Variants in METAP1 observed in about 807,000 individuals in gnomAD.
METAP1 encodes methionyl aminopeptidase 1, also known as methionine aminopeptidase 1.
In METAP1, 28 loss-of-function variants were observed where a neutral mutation model predicts 53.8. That is an observed-to-expected ratio of 0.52 (90% CI 0.39 to 0.71). The LOEUF is 0.71. METAP1 is among the 30% of genes least tolerant of loss of function. The pLI is 0.00. For synonymous variants in METAP1, 181 were observed against 165.7 expected, an observed-to-expected ratio of 1.09 and a Z score of -0.71; for missense variants, 389 against 479.8, an observed-to-expected ratio of 0.81 and a Z score of 1.77.
intron 9 of METAP1, among the ~76,000 whole-genome samples, chr4:99,053,919 T>C (rs1415497563): frequency 6.6e-6 from 1 of 151,008 alleles, no homozygotes; most frequent in Admixed American, 6.6e-5. Flanking sequence ...ATTAATATTA[T>C]TAAAATATTC....
intron 3 of METAP1, among the ~76,000 whole-genome samples, chr4:99,034,623 A>G (rs1725296690): frequency 6.6e-6 from 1 of 152,074 alleles, no homozygotes; most frequent in Non-Finnish European, 1.5e-5. Context: ...GGTAGTGTGT[A>G]CAGTCGTCCC....
intron 2 of METAP1, among the ~76,000 whole-genome samples, chr4:99,029,925 G>T (rs979619392): frequency 1.3e-5 from 2 of 152,180 alleles, no homozygotes; most frequent in Non-Finnish European, 2.9e-5. Context: ...TGTTGTGGGA[G>T]AAATGTGGTT....
chr4:99,023,398 G>A (rs999299585), intron 1 of METAP1: 1 of 872,952 alleles, frequency 1.1e-6, no homozygotes, highest in African/African-American at 1.8e-5. Flanking sequence ...TATATATTAA[G>A]TATTTGTAAG....
intron 1 of METAP1, among the ~76,000 whole-genome samples, chr4:99,002,356 G>A (rs563911606): frequency 2.3e-4 from 35 of 152,336 alleles, no homozygotes; most frequent in Admixed American, 1.2e-3. Flanking sequence ...AATGTTTAAT[G>A]TAATGGAATA....
In METAP1 at chr4:99,048,715, T is replaced by A. The variant is rs377505157; in HGVS notation, c.788-18T>A. The A allele has an allele frequency of 1.9e-6, 3 of 1,611,654 alleles. No individual in the cohort carries two copies. The highest frequency in any genetic ancestry group is 2.7e-5 in the African/African-American group (2 of 74,766). ...TATTAGTTATTAGTTTATCATGAAT[T>A]TTCTTTTTTCCTTTCAGTGAAGCCT... On this transcript the variant is annotated intron_variant, in intron 8 of 10. Coordinates refer to ENST00000296411, the MANE Select transcript of METAP1 (RefSeq NM_015143.3).
chr4:99,015,872 T>C (rs1723731382), intron 1 of METAP1, among the ~76,000 whole-genome samples: 2 of 152,132 alleles, frequency 1.3e-5, no homozygotes, highest in Non-Finnish European at 2.9e-5. Flanking sequence ...AATAAAGGTA[T>C]GTTAGGTTCT....
At chr4:99,007,553 A>G (rs1027441656) in intron 1 of METAP1, among the ~76,000 whole-genome samples, 2 of 151,800 alleles carry the variant, frequency 1.3e-5, no homozygotes, top group South Asian at 2.1e-4. Flanking sequence ...CTGTCATTCA[A>G]TAGCTGATCT....
intron 2 of METAP1, among the ~76,000 whole-genome samples, chr4:99,033,769 A>T (rs112443680): frequency 6.6e-6 from 1 of 152,104 alleles, no homozygotes; most frequent in Admixed American, 6.6e-5. Context: ...TTGATTTTGA[A>T]TTTGCTTTGG....
chr4:99,041,820 T>C (rs1725889733), intron 6 of METAP1, among the ~76,000 whole-genome samples: 1 of 151,620 alleles, frequency 6.6e-6, no homozygotes, highest in Non-Finnish European at 1.5e-5. Context: ...TATTGTAAAT[T>C]GGAAGAACCC....
chr4:99,027,093 C>T (rs975744663), intron 1 of METAP1, among the ~76,000 whole-genome samples: 3 of 152,140 alleles, frequency 2.0e-5, no homozygotes, highest in Non-Finnish European at 1.5e-5. Context: ...ATTTGAGTAG[C>T]TACTTTTCAA....
At chr4:99,021,388 TC>T (rs1385461762) in intron 1 of METAP1, among the ~76,000 whole-genome samples, 1 of 152,098 alleles carries the variant, frequency 6.6e-6, no homozygotes, top group Non-Finnish European at 1.5e-5. Context: ...GATGTATTCC[TC>T]TTACTGGGTG....
At chr4:99,023,022 A>G (rs1371954615) in intron 1 of METAP1, 2 of 1,444,398 alleles carry the variant, frequency 1.4e-6, no homozygotes, top group Non-Finnish European at 1.9e-6. Flanking sequence ...TCTTGCTGCC[A>G]CAGGCTGCTG....
intron 1 of METAP1, among the ~76,000 whole-genome samples, chr4:99,019,345 CA>C (rs989253187): frequency 6.6e-6 from 1 of 152,158 alleles, no homozygotes; most frequent in African/African-American, 2.4e-5. Flanking sequence ...GCCCCTGACT[CA>C]CGTATTCTTC....
At position 99,053,147 on chromosome 4, in the gene METAP1, G is replaced by A. The variant is rs1209297044; in HGVS notation, c.931+4271G>A. ...AAACTCCTCATAGTCATCCAAAAGG[G>A]TTGAAATCACTTTCTGCCCAACTCA... On this transcript the variant is annotated intron_variant, in intron 9 of 10. Coordinates refer to ENST00000296411, the MANE Select transcript of METAP1 (RefSeq NM_015143.3). Among the ~76,000 whole-genome samples, 5 of 152,148 alleles carry A rather than the reference G, an allele frequency of 3.3e-5. No individual in the cohort carries two copies. In the East Asian group the frequency reaches 9.6e-4, roughly 29 times the overall value.
intron 2 of METAP1, among the ~76,000 whole-genome samples, chr4:99,033,364 G>A (rs1725192079): frequency 6.6e-6 from 1 of 151,940 alleles, no homozygotes; most frequent in Admixed American, 6.6e-5. Context: ...AGATGTTTAG[G>A]CCAATACTTG....
intron 1 of METAP1, chr4:98,997,386 C>A (rs1722688615): frequency 6.5e-6 from 1 of 153,212 alleles, no homozygotes; most frequent in African/African-American, 2.4e-5. Flanking sequence ...CATTACCGAA[C>A]AATCTAAAGG....
intron 1 of METAP1, among the ~76,000 whole-genome samples, chr4:99,011,522 G>T (rs1356860696): frequency 6.6e-6 from 1 of 152,146 alleles, no homozygotes; most frequent in African/African-American, 2.4e-5. Flanking sequence ...ATGGTGTATA[G>T]TCCTTTCAGT....
At chr4:99,048,609 A>G (rs1726447983) in intron 8 of METAP1, 124 bp from the exon 9 acceptor site, 2 of 1,048,690 alleles carry the variant, frequency 1.9e-6, no homozygotes, top group Non-Finnish European at 2.8e-6. Context: ...AGCTCAGGCG[A>G]TCTTCCTGCC....
At chr4:99,050,344 A>T (rs761402936) in intron 9 of METAP1, among the ~76,000 whole-genome samples, 1 of 152,232 alleles carries the variant, frequency 6.6e-6, no homozygotes, top group African/African-American at 2.4e-5. Flanking sequence ...AATGAAGCTG[A>T]TATTTTGAGA....
Sources: gnomAD v4.1 joint callset for allele counts (sites outside exome capture counted in the v4.1 genomes callset) on GRCh38, gnomAD v4.1.1 for gene constraint, MANE v1.5 for transcripts, NCBI Gene and HGNC (gene_info 2026-07-23, HGNC 2026-07-21) for gene names.